The following DPP4 variants were observed in gnomAD, a reference collection of about 807,000 sequenced individuals.
The protein encoded by DPP4 is dipeptidyl peptidase 4.
A neutral mutation model predicts 122.4 loss-of-function variants in DPP4; 93 were observed. The observed-to-expected ratio is 0.76, with a 90% confidence interval of 0.64 to 0.90. DPP4 has a LOEUF of 0.90. Ranked by LOEUF, DPP4 falls within the 40% of genes least tolerant of loss-of-function variation. DPP4 has a pLI of 0.00. For missense variants in DPP4, 914 were observed against 907.3 expected, an observed-to-expected ratio of 1.01 and a Z score of -0.09; for synonymous variants, 321 against 302.9, an observed-to-expected ratio of 1.06 and a Z score of -0.62.
At chr2:162,067,915 G>T (rs1286785146) in intron 2 of DPP4, among the ~76,000 whole-genome samples, 2 of 152,198 alleles carry the variant, frequency 1.3e-5, no homozygotes, top group Non-Finnish European at 2.9e-5. Context: ...CTCAGGGAAG[G>T]TTGGTAGTCA....
intron 16 of DPP4, 38 bp from the exon 17 acceptor site, chr2:162,017,193 A>G (rs1418438387): frequency 1.3e-6 from 2 of 1,580,436 alleles, no homozygotes; most frequent in African/African-American, 2.7e-5. Context: ...TTGGATGAAT[A>G]CTTTTTTAGA....
Position 161,992,896 on chromosome 2 carries a change from A to C in DPP4, c.*387T>G. 1 of 207,442 alleles carries C rather than the reference A, an allele frequency of 4.8e-6. No individual in the cohort carries two copies. The highest frequency in any genetic ancestry group is 9.9e-6 in the Non-Finnish European group (1 of 100,698). The allele number at this position is 207,442 out of a possible 1,614,324, so 12.9% of individuals were successfully genotyped here. On this transcript the variant is annotated 3_prime_UTR_variant, in exon 26 of 26. Transcript: ENST00000360534. ...ATCCTGTCCCTGCCCTAGTGACATC[A>C]CTGCCCACATCTTGCCATCCCTTTA... is the stretch of plus-strand genomic sequence containing the variant.
At position 162,047,002 on chromosome 2, in the gene DPP4, A is replaced by G. The variant is rs994687619; in HGVS notation, c.198T>C (p.His66=). 1.3e-6 allele frequency: 2 copies of G among 1,555,984 alleles called. No individual in the cohort carries two copies. Among genetic ancestry groups the G allele is most frequent in the Non-Finnish European group, 8.8e-7 (1 of 1,130,634 alleles). ...TATTTTCTTGTTTGTAGAGATATTC[A>G]TGATCTAAAGAGAGAAAACACCCAG... ...KLYSLRWISD[H]EYLYKQENNI... is the part of the protein sequence containing the mutation. Residue 66 remains histidine, a synonymous_variant, in exon 4 of 26, where the codon CAT becomes CAC. Coordinates refer to ENST00000360534, the MANE Select transcript of DPP4 (RefSeq NM_001935.4).
At position 162,022,787 on chromosome 2, in the gene DPP4, T is replaced by C. The variant is rs772894931; in HGVS notation, c.1036A>G (p.Ile346Val). Reference sequence around the variant, plus strand: ...ACCCAGCCAGTAGTACTCATTTCAATGTGTTGCCGTGCCTAGGAAGGGAAA... The same window carrying C: ...ACCCAGCCAGTAGTACTCATTTCAACGTGTTGCCGTGCCTAGGAAGGGAAA... Reference protein sequence around the residue: ...RWNCLVARQHIEMSTTGWVGR... With the variant: ...RWNCLVARQHVEMSTTGWVGR... The change falls in exon 12 of 26, where the codon ATT becomes GTT. Residue 346 changes from isoleucine to valine, a missense_variant. Transcript: ENST00000360534. 1.2e-6 allele frequency: 2 copies of C among 1,613,944 alleles called. No individual in the cohort carries two copies. The highest frequency in any genetic ancestry group is 1.6e-4 in the Middle Eastern group (1 of 6,084).
At position 161,999,752 on chromosome 2, in the gene DPP4, C is replaced by T. The variant is rs993576619; in HGVS notation, c.2053-4380G>A. ...GTACTATGAGAAACAGAAGGTATAA[C>T]AATTTTTAAACTACCCCTAGTGCCA... On this transcript the variant is annotated intron_variant, in intron 23 of 25. Transcript: ENST00000360534. Among the ~76,000 whole-genome samples, 5 of 152,164 alleles carry T rather than the reference C, an allele frequency of 3.3e-5. No homozygotes were observed. In the South Asian group the frequency reaches 8.3e-4, roughly 25 times the overall value.
At position 162,045,613 on chromosome 2, in the gene DPP4, C is replaced by T; in HGVS notation, c.286-1G>A. On this transcript the variant is annotated splice_acceptor_variant, in intron 4 of 25. Coordinates refer to ENST00000360534, the MANE Select transcript of DPP4 (RefSeq NM_001935.4). LOFTEE classifies it high-confidence loss of function. ...CATTGATAGAATGTCCAAACTCATCCTGTCAAACAAGAAGAACAAAGAAAA... is the reference window on the plus strand; with the variant it reads ...CATTGATAGAATGTCCAAACTCATCTTGTCAAACAAGAAGAACAAAGAAAA... The T allele has an allele frequency of 1.2e-6, 2 of 1,609,360 alleles. No homozygotes were observed. Among genetic ancestry groups the T allele is most frequent in the Non-Finnish European group, 1.7e-6 (2 of 1,176,402 alleles).
rs563968322 is a variant in DPP4, at chr2:162,015,643, A to G, written c.1567+1125T>C. 1.0e-3 allele frequency among the ~76,000 whole-genome samples: 151 copies of G among 151,560 alleles called. 1 individual carries two copies. The highest frequency in any genetic ancestry group is 3.4e-3 in the Middle Eastern group (1 of 294). ...CTCCCTCCTCCCTGACCTACCTTTC[A>G]TCCCTCCTTTCTGTACTTTGAATGG... On this transcript the variant is annotated intron_variant, in intron 18 of 25. Coordinates refer to ENST00000360534, the MANE Select transcript of DPP4 (RefSeq NM_001935.4).
intron 5 of DPP4, among the ~76,000 whole-genome samples, chr2:162,042,390 C>T (rs566390251): frequency 6.6e-6 from 1 of 152,112 alleles, no homozygotes; most frequent in Non-Finnish European, 1.5e-5. Context: ...GGGTACTTAT[C>T]CACTCACTCA....
intron 2 of DPP4, among the ~76,000 whole-genome samples, chr2:162,072,312 G>T (rs1034402670): frequency 2.0e-5 from 3 of 152,232 alleles, no homozygotes; most frequent in African/African-American, 7.2e-5. Context: ...GTCCACAAGA[G>T]TCAAGCTTAA....
chr2:162,033,429 C>T (rs138176195), intron 10 of DPP4, 112 bp downstream of exon 10: 193 of 676,606 alleles, frequency 2.9e-4, no homozygotes, highest in African/African-American at 2.8e-3. Flanking sequence ...TGACTGTCAG[C>T]GGGGATGACA....
chr2:162,049,409 TA>T (rs1684304136), intron 2 of DPP4, among the ~76,000 whole-genome samples: 1 of 148,446 alleles, frequency 6.7e-6, no homozygotes, highest in African/African-American at 2.5e-5. Flanking sequence ...TTCTCACTTA[TA>T]AGTAGGAGGT....
chr2:161,993,198 A>T lies in DPP4; in HGVS notation c.*85T>A. On this transcript the variant is annotated 3_prime_UTR_variant, in exon 26 of 26. Transcript: ENST00000360534. ...GATTTGAGTGTGTATTTTAAAGATC[A>T]TCATCATCTTGACAGTGCAGTTTTG... 1 of 1,056,542 alleles carries T rather than the reference A, an allele frequency of 9.5e-7. No homozygotes were observed. The highest frequency in any genetic ancestry group is 1.4e-5 in the South Asian group (1 of 72,850). The allele number at this position is 1,056,542 out of a possible 1,614,324, so 65.4% of individuals were successfully genotyped here. A position where few individuals can be genotyped will look rare whatever the true frequency, so the allele number is the denominator to read the frequency against.
chr2:162,016,918 A>C, intron 17 of DPP4, 52 bp from the exon 18 acceptor site: 1 of 1,544,466 alleles, frequency 6.5e-7, no homozygotes, highest in South Asian at 1.2e-5. Flanking sequence ...AAAAATGTGG[A>C]TTATGTAGTG....
chr2:162,024,765 AT>A, intron 11 of DPP4, 38 bp downstream of exon 11: 1 of 1,605,114 alleles, frequency 6.2e-7, no homozygotes, highest in Non-Finnish European at 8.5e-7. Context: ...CTCTGATCAC[AT>A]GTTGCTCTAG....
In DPP4 at chr2:162,018,769, T is replaced by C. The variant is rs200772162; in HGVS notation, c.1380A>G (p.Ser460=). ...NPERCQYYSV[S]FSKEAKYYQL... Reference sequence around the variant, plus strand: ...GATAATACTTCGCCTCTTTACTGAATGACACAGAATAGTACTGACACCTTT... The same window carrying C: ...GATAATACTTCGCCTCTTTACTGAACGACACAGAATAGTACTGACACCTTT... Residue 460 remains serine (S), a synonymous_variant, in exon 16 of 26, where the codon TCA becomes TCG. Transcript: ENST00000360534. The C allele has an allele frequency of 1.9e-6, 3 of 1,614,182 alleles. No individual in the cohort carries two copies. In the South Asian group the frequency reaches 3.3e-5, roughly 18 times the overall value.
At chr2:162,044,005 G>A (rs1457834855) in intron 5 of DPP4, among the ~76,000 whole-genome samples, 1 of 152,086 alleles carries the variant, frequency 6.6e-6, no homozygotes, top group Non-Finnish European at 1.5e-5. Context: ...TCTAGCCTGG[G>A]TGACAGAATG....
intron 2 of DPP4, among the ~76,000 whole-genome samples, chr2:162,071,621 C>T (rs1056142195): frequency 1.3e-5 from 2 of 152,178 alleles, no homozygotes; most frequent in Non-Finnish European, 2.9e-5. Context: ...GCAGTCTGCT[C>T]AAGCACCTCT....
chr2:162,047,699 G>C (rs1684237610), intron 2 of DPP4, among the ~76,000 whole-genome samples, 198 bp from the exon 3 acceptor site: 1 of 152,194 alleles, frequency 6.6e-6, no homozygotes, highest in Non-Finnish European at 1.5e-5. Flanking sequence ...AAGTGTGTGA[G>C]AGTGTGTGTG....
intron 9 of DPP4, among the ~76,000 whole-genome samples, chr2:162,033,860 G>GTATATATATA (rs1230614837): frequency 2.7e-5 from 1 of 37,490 alleles, no homozygotes; most frequent in African/African-American, 1.7e-4. Context: ...AACAGAATAT[G>GTATATATATA]TGTATATATA....
Sources: gnomAD v4.1 joint callset for allele counts (sites outside exome capture counted in the v4.1 genomes callset) on GRCh38, gnomAD v4.1.1 for gene constraint, MANE v1.5 for transcripts, NCBI Gene and HGNC (gene_info 2026-07-23, HGNC 2026-07-21) for gene names.